THOC2: variants seen among roughly 807,000 people sequenced by gnomAD.
The protein encoded by THOC2 is THO complex 2.
A neutral mutation model predicts 128.4 loss-of-function variants in THOC2; 10 were observed. That is an observed-to-expected ratio of 0.08 (90% CI 0.05 to 0.13). The LOEUF is 0.13. Among genes scored for constraint, THOC2 ranks in the 10% least tolerant of loss-of-function variants. The pLI is 1.00. For synonymous variants in THOC2, 393 were observed against 396.9 expected, an observed-to-expected ratio of 0.99 and a Z score of 0.12; for missense variants, 535 against 1,155.7, an observed-to-expected ratio of 0.46 and a Z score of 7.79.
At chrX:123,623,608 G>C in intron 28 of THOC2, 179 bp downstream of exon 28, 3 of 1,016,040 alleles carry the variant, frequency 3.0e-6, no homozygotes, top group Non-Finnish European at 4.1e-6. Context: ...ATCCAGTATA[G>C]ACCGGAAGTT....
intron 3 of THOC2, among the ~76,000 whole-genome samples, chrX:123,703,910 A>AAAAAAAAAAAAC: frequency 9.5e-6 from 1 of 105,235 alleles, no homozygotes; most frequent in African/African-American, 3.4e-5. Flanking sequence ...AAAAAAAAAA[A>AAAAAAAAAAAAC]AAATTGATTT....
At chrX:123,624,255 A>G in intron 26 of THOC2, 64 bp from the exon 27 acceptor site, 1 of 1,023,207 alleles carries the variant, frequency 9.8e-7, no homozygotes, top group Non-Finnish European at 1.3e-6. Context: ...CAGAAATTGA[A>G]ACTTAAGTAG....
intron 36 of THOC2, among the ~76,000 whole-genome samples, chrX:123,613,013 C>T (rs1284586107): frequency 9.0e-6 from 1 of 111,613 alleles, no homozygotes; most frequent in Non-Finnish European, 1.9e-5. Flanking sequence ...AAATCACAAT[C>T]AAGACTTTAT....
At chrX:123,646,385 G>C (rs962589348) in intron 12 of THOC2, among the ~76,000 whole-genome samples, 1 of 112,435 alleles carries the variant, frequency 8.9e-6, no homozygotes, top group Non-Finnish European at 1.9e-5. Flanking sequence ...AGGCCAAAAA[G>C]ACAACTGAAG....
intron 12 of THOC2, among the ~76,000 whole-genome samples, chrX:123,654,177 T>C (rs1175948095): frequency 2.7e-5 from 3 of 110,017 alleles, no homozygotes; most frequent in Admixed American, 9.8e-5. Context: ...ACACCGCATG[T>C]TCTCATTCGT....
intron 1 of THOC2, among the ~76,000 whole-genome samples, chrX:123,718,560 G>A (rs1292564270): frequency 9.0e-6 from 1 of 111,386 alleles, no homozygotes; most frequent in Non-Finnish European, 1.9e-5. Context: ...AGAAGTTCAA[G>A]ACAAGCCTGA....
rs2047855003 is a variant in THOC2 at position 123,640,161 on chromosome X, T to C, written c.1746+377A>G. 2.7e-5 allele frequency among the ~76,000 whole-genome samples: 3 copies of C among 111,519 alleles called. No individual in the cohort carries two copies. In the Admixed American group the frequency reaches 2.9e-4, roughly 11 times the overall value. ...AAGATCGGGTCACTGCACTCCAGCC[T>C]GGGCAATAGAGCAAGACTTCATCTC... On this transcript the variant is annotated intron_variant, in intron 16 of 38. Coordinates refer to ENST00000245838, the MANE Select transcript of THOC2 (RefSeq NM_001081550.2).
At chrX:123,651,052 T>C (rs946452767) in intron 12 of THOC2, among the ~76,000 whole-genome samples, 6 of 111,553 alleles carry the variant, frequency 5.4e-5, no homozygotes, top group African/African-American at 2.0e-4. Context: ...GAGCACATAA[T>C]TGGACGTAAA....
intron 2 of THOC2, among the ~76,000 whole-genome samples, chrX:123,707,682 A>G (rs889833457): frequency 2.7e-5 from 3 of 110,551 alleles, no homozygotes; most frequent in African/African-American, 9.9e-5. Flanking sequence ...AGTCCCATAT[A>G]CTGAAAACTT....
chrX:123,689,458 G>A (rs754793902), intron 7 of THOC2, among the ~76,000 whole-genome samples: 6 of 111,659 alleles, frequency 5.4e-5, no homozygotes, highest in Non-Finnish European at 9.4e-5. Flanking sequence ...ACAGGGTCTC[G>A]CTCTGTTGCC....
intron 29 of THOC2, 73 bp from the exon 30 acceptor site, chrX:123,622,933 T>G: frequency 1.1e-6 from 1 of 916,097 alleles, no homozygotes; most frequent in Admixed American, 3.0e-5. Flanking sequence ...GCAAAATGAT[T>G]AGAGAATAAT....
chrX:123,637,598 G>A (rs982072594), intron 18 of THOC2, among the ~76,000 whole-genome samples: 1 of 110,405 alleles, frequency 9.1e-6, no homozygotes, highest in African/African-American at 3.3e-5. Context: ...TGCCTCTAAC[G>A]AAAATACAAA....
At chrX:123,629,728 A>G (rs5958273) in intron 22 of THOC2, among the ~76,000 whole-genome samples, 194 of 111,885 alleles carry the variant, frequency 1.7e-3, no homozygotes, top group African/African-American at 6.0e-3. Flanking sequence ...AGGGAATAGC[A>G]GTTGGGAAAA....
At chrX:123,705,590 T>TG (rs1428145360) in intron 3 of THOC2, among the ~76,000 whole-genome samples, 1 of 111,371 alleles carries the variant, frequency 9.0e-6, no homozygotes, top group Non-Finnish European at 1.9e-5. Context: ...AATTCTGTTG[T>TG]TATCAGCTGG....
At chrX:123,650,280 C>T (rs753759049) in intron 12 of THOC2, among the ~76,000 whole-genome samples, 61 of 111,890 alleles carry the variant, frequency 5.5e-4, no homozygotes, top group African/African-American at 1.9e-3. Context: ...CACTACCAGG[C>T]CTGCCTTACA....
At chrX:123,727,301 A>AT (rs1192763524) in intron 1 of THOC2, among the ~76,000 whole-genome samples, 6 of 111,462 alleles carry the variant, frequency 5.4e-5, no homozygotes, top group Non-Finnish European at 1.1e-4. Flanking sequence ...AAACACTGAG[A>AT]TTTTTCCCCA....
chrX:123,637,419 G>A (rs1027978141), intron 18 of THOC2, among the ~76,000 whole-genome samples: 1 of 111,492 alleles, frequency 9.0e-6, no homozygotes, highest in Non-Finnish European at 1.9e-5. Context: ...GGGAAGAAAT[G>A]AGACTAGATC....
In THOC2 at chrX:123,621,398, G is replaced by A; in HGVS notation, c.3975C>T (p.Asp1325=). 8.3e-7 allele frequency: 1 copy of A among 1,209,385 alleles called. No homozygotes were observed. Among genetic ancestry groups the A allele is most frequent in the Non-Finnish European group, 1.1e-6 (1 of 894,820 alleles). Reference sequence around the variant, plus strand: ...CCTTCTTGAATTTTTCTTTCTCTTTGTCAGACTTCGGCGTTCTTTCCTTGG... The same window carrying A: ...CCTTCTTGAATTTTTCTTTCTCTTTATCAGACTTCGGCGTTCTTTCCTTGG... The part of the protein sequence containing the change: ...RETKERTPKS[D]KEKEKFKKEE... Residue 1325 remains aspartate (D), a synonymous_variant, in exon 31 of 39, where the codon GAC becomes GAT. Transcript: ENST00000245838.
chrX:123,705,658 A>G (rs1412975661), intron 3 of THOC2, among the ~76,000 whole-genome samples: 1 of 110,770 alleles, frequency 9.0e-6, no homozygotes, highest in Admixed American at 9.7e-5. Flanking sequence ...AATACACCCC[A>G]ATATGGGGTG....
Sources: allele counts gnomAD v4.1 joint callset (sites outside exome capture counted in the v4.1 genomes callset), GRCh38; gene constraint gnomAD v4.1.1; transcripts MANE v1.5; gene names NCBI Gene and HGNC (gene_info 2026-07-23, HGNC 2026-07-21).